Variants in MFRP observed in about 807,000 individuals in gnomAD.
MFRP encodes C1q and TNF related 5.
MFRP carries 74 observed loss-of-function variants against 65.8 expected under a neutral mutation model. The ratio of observed to expected loss-of-function variants is 1.12; its 90% CI spans 0.93 to 1.36. The LOEUF is 1.36. MFRP is among the 40% of genes most tolerant of loss of function. The pLI, the probability that MFRP is intolerant of heterozygous loss-of-function variation, is 0.00. For synonymous variants in MFRP, 336 were observed against 288.3 expected (o/e 1.17, Z -1.68); for missense variants, 838 against 736.0 (o/e 1.14, Z -1.60).
rs1185135117 is a variant in MFRP, at chr11:119,345,428, G to A, written c.633C>T (p.Pro211=). 2 of 1,613,772 alleles carry A rather than the reference G, an allele frequency of 1.2e-6. No homozygotes were observed. The highest frequency in any genetic ancestry group is 2.2e-5 in the East Asian group (1 of 44,888). ...GGGACAGAGGGACCTACCTGAGGAGGGGGCCTTCAGGCTCAGGGGAGAGTT... is the reference window on the plus strand; with the variant it reads ...GGGACAGAGGGACCTACCTGAGGAGAGGGCCTTCAGGCTCAGGGGAGAGTT... ...RLELSPEPEG[P]LLRVCGRVPP... Residue 211 remains proline, a synonymous_variant, in exon 5 of 15, where the codon CCC becomes CCT. Transcript: ENST00000619721.
chr11:119,344,200 C>A (rs1950533878), intron 8 of MFRP, 115 bp downstream of exon 8: 1 of 1,117,124 alleles, frequency 9.0e-7, no homozygotes, highest in Non-Finnish European at 1.4e-6. Flanking sequence ...TCTGCTTGAT[C>A]TCTGACCTTC....
intron 13 of MFRP, 47 bp from the exon 14 acceptor site, chr11:119,340,487 T>C: frequency 7.3e-7 from 1 of 1,368,014 alleles, no homozygotes; most frequent in Non-Finnish European, 1.0e-6. Context: ...TCCTGGGACC[T>C]GCCTCTCTCC....
chr11:119,344,855 C>G lies in MFRP; in HGVS notation c.772+19G>C, dbSNP rs751366258. ...GGGAAGAAAGTGGACACTCAACAGG[C>G]AGGTGGGAACACACTCACCGCGCCC... On this transcript the variant is annotated intron_variant, in intron 6 of 14. Coordinates refer to ENST00000619721, the MANE Select transcript of MFRP (RefSeq NM_031433.4). The G allele has an allele frequency of 6.2e-7, 1 of 1,613,378 alleles. No homozygotes were observed. The highest frequency in any genetic ancestry group is 1.7e-5 in the Admixed American group (1 of 60,006).
At chr11:119,344,416 G>A in intron 7 of MFRP, 25 bp from the exon 8 acceptor site, 2 of 1,607,452 alleles carry the variant, frequency 1.2e-6, no homozygotes, top group South Asian at 2.2e-5. Context: ...AAGGGCTCAT[G>A]AGTTTGCTAG....
In MFRP at chr11:119,341,537, C is replaced by T. The variant is rs752068989; in HGVS notation, c.*11G>A. ...GGACGGGCAGGAAGAGGGCAGGGGC[C>T]GGCTTCAGGGTCAGGGCTGGGCACA... On this transcript the variant is annotated 3_prime_UTR_variant, in exon 13 of 15. Transcript: ENST00000619721. The T allele has an allele frequency of 2.2e-5, 35 of 1,608,946 alleles. No homozygotes were observed. The highest frequency in any genetic ancestry group is 1.5e-4 in the African/African-American group (11 of 74,848).
Position 119,339,710 on chromosome 11 carries a change from G to A in MFRP, c.*1249C>T. ...GTCGAAGGGCAAGGGTGCGTCAGAC[G>A]GCGGAGGCACCCGGCTCTCGGAGCG... On this transcript the variant is annotated 3_prime_UTR_variant, in exon 15 of 15. Coordinates refer to ENST00000619721, the MANE Select transcript of MFRP (RefSeq NM_031433.4). This position sits in a 1 kb window ranked among gnomAD's most constrained non-coding sequence, Gnocchi z 5.4. 1 of 1,604,324 alleles carries A rather than the reference G, an allele frequency of 6.2e-7. No individual in the cohort carries two copies. Among genetic ancestry groups the A allele is most frequent in the Non-Finnish European group, 8.5e-7 (1 of 1,178,838 alleles).
chr11:119,345,027 T>C (rs1325700222), intron 5 of MFRP, 23 bp from the exon 6 acceptor site: 44 of 1,594,500 alleles, frequency 2.8e-5, no homozygotes, highest in Non-Finnish European at 3.7e-5. Context: ...AGGTTGGGGG[T>C]GAGGGAGGCT....
chr11:119,341,554 C>T lies in MFRP; in HGVS notation c.1734G>A (p.Gln578=). The T allele has an allele frequency of 1.2e-6, 2 of 1,612,460 alleles. No individual in the cohort carries two copies. Among genetic ancestry groups the T allele is most frequent in the Non-Finnish European group, 1.7e-6 (2 of 1,179,838 alleles). The change falls in exon 13 of 15, where the codon CAG becomes CAA. Residue 578 remains glutamine, a synonymous_variant. Coordinates refer to ENST00000619721, the MANE Select transcript of MFRP (RefSeq NM_031433.4). ...PEAADLEACA[Q]P ...GCAGGGGCCGGCTTCAGGGTCAGGG[C>T]TGGGCACAAGCTTCCAGGTCAGCTG...
chr11:119,345,363 G>T (rs1950551494), intron 5 of MFRP, 57 bp downstream of exon 5: 3 of 1,549,404 alleles, frequency 1.9e-6, no homozygotes, highest in African/African-American at 1.4e-5. Flanking sequence ...CCCTGATTCT[G>T]CTCTTTAGAT....
Position 119,345,598 on chromosome 11 carries a change from A to G in MFRP, c.463T>C (p.Phe155Leu). 6.2e-7 allele frequency: 1 copy of G among 1,613,852 alleles called. No homozygotes were observed. The highest frequency in any genetic ancestry group is 8.5e-7 in the Non-Finnish European group (1 of 1,179,990). Reference protein sequence around the residue: ...GGLLSGPRGFFSSPNYPDPYP... With the variant: ...GGLLSGPRGFLSSPNYPDPYP... ...GGGTCTGGGTAGTTAGGGCTGCTGA[A>G]GAAGCCCCTTGGGCCAGAGAGGAGG... The change falls in exon 5 of 15, where the codon TTC becomes CTC. Residue 155 changes from phenylalanine to leucine, a missense_variant. Coordinates refer to ENST00000619721, the MANE Select transcript of MFRP (RefSeq NM_031433.4).
Position 119,343,825 on chromosome 11 carries a change from A to T in MFRP, c.1115T>A (p.Leu372His), listed in dbSNP as rs527368780. 1.2e-6 allele frequency: 2 copies of T among 1,613,782 alleles called. No homozygotes were observed. The highest frequency in any genetic ancestry group is 1.7e-6 in the Non-Finnish European group (2 of 1,180,004). The change falls in exon 9 of 15, where the codon CTC becomes CAC. Residue 372 changes from leucine to histidine, a missense_variant. Physicochemically the swap from Leu to His is moderately conservative, Grantham distance 99. Transcript: ENST00000619721. ...TCCCTGGCTCCTGTACCTGCCCAGG[A>T]GGCTGAAGGCCCCTGAGCTGCTGGT... ...YETSSSGAFS[L>H]LGRFCGAEPP...
chr11:119,343,590 A>G (rs531499584), intron 9 of MFRP, among the ~76,000 whole-genome samples: 1 of 152,246 alleles, frequency 6.6e-6, no homozygotes, highest in South Asian at 2.1e-4. Context: ...GTGGGGAGGA[A>G]CTGGGGCAGG....
intron 7 of MFRP, 53 bp from the exon 8 acceptor site, chr11:119,344,444 A>C: frequency 6.3e-7 from 1 of 1,577,588 alleles, no homozygotes; most frequent in Non-Finnish European, 8.7e-7. Context: ...GCCTCCATCC[A>C]ATAGGGCTGG....
rs187677508 is a variant in MFRP at position 119,343,358 on chromosome 11, A to G, written c.1125-355T>C. On this transcript the variant is annotated intron_variant, in intron 9 of 14. Coordinates refer to ENST00000619721, the MANE Select transcript of MFRP (RefSeq NM_031433.4). ...AGACCTTGTCTTTACAAAAAAATTA[A>G]AAAAGTAAATTATCTGGGCGTGGTG... Among the ~76,000 whole-genome samples the G allele has an allele frequency of 1.4e-3, 219 of 152,264 alleles. 2 individuals are homozygous for G. Among genetic ancestry groups the G allele is most frequent in the African/African-American group, 5.1e-3 (213 of 41,548 alleles).
chr11:119,345,955 G>A (rs753332267), intron 3 of MFRP, 27 bp from the exon 4 acceptor site: 61 of 1,613,462 alleles, frequency 3.8e-5, no homozygotes, highest in Non-Finnish European at 4.5e-5. Context: ...GGAGGGTGGC[G>A]TTCAGAGGAG....
At chr11:119,345,679 C>G (rs771682623) in intron 4 of MFRP, 46 bp from the exon 5 acceptor site, 1 of 1,612,222 alleles carries the variant, frequency 6.2e-7, no homozygotes, top group South Asian at 1.1e-5. Flanking sequence ...GGAGTGAGGT[C>G]CTTTATTCTC....
At chr11:119,342,099 G>A in intron 11 of MFRP, 115 bp from the exon 12 acceptor site, 1 of 1,204,578 alleles carries the variant, frequency 8.3e-7, no homozygotes, top group Non-Finnish European at 1.2e-6. Context: ...GGGTGGTTGT[G>A]AGGAAGCAAG....
chr11:119,342,717 C>T lies in MFRP; in HGVS notation c.1266G>A (p.Gly422=). ...CTGCCTGGCAGGAGAGCTCACTGGG[C>T]CCACAGGGGTCTGCAGGCACAAGGG... is the stretch of plus-strand genomic sequence containing the variant. ...LAFNATENPC[G]PSELSCQAGG... is the part of the protein sequence containing the mutation. The change falls in exon 11 of 15, where the codon GGG becomes GGA. Residue 422 remains glycine (G), a synonymous_variant. Coordinates refer to ENST00000619721, the MANE Select transcript of MFRP (RefSeq NM_031433.4). 1 of 1,613,644 alleles carries T rather than the reference C, an allele frequency of 6.2e-7. No individual in the cohort carries two copies. The highest frequency in any genetic ancestry group is 2.2e-5 in the East Asian group (1 of 44,886).
intron 9 of MFRP, 91 bp from the exon 10 acceptor site, chr11:119,343,094 C>T: frequency 2.0e-6 from 3 of 1,496,528 alleles, no homozygotes; most frequent in South Asian, 1.2e-5. Context: ...GAGCTGGGAG[C>T]CCTGGATGAT....
Sources: gnomAD v4.1 joint callset for allele counts (sites outside exome capture counted in the v4.1 genomes callset) on GRCh38, gnomAD v4.1.1 for gene constraint, Gnocchi (gnomAD v3.1) non-coding constraint, MANE v1.5 for transcripts, NCBI Gene and HGNC (gene_info 2026-07-23, HGNC 2026-07-21) for gene names.